The following PCDHGA8 variants were observed in gnomAD, a reference collection of about 807,000 sequenced individuals.
PCDHGA8 encodes the protein protocadherin gamma-A8.
Under a neutral mutation model 59.2 loss-of-function variants are expected in PCDHGA8, and 45 were observed. The observed-to-expected ratio is 0.76, with a 90% CI of 0.60 to 0.98. The LOEUF is 0.98. Ranked by LOEUF, PCDHGA8 falls within the 50% of genes least tolerant of loss-of-function variation. The pLI, the probability that PCDHGA8 is intolerant of heterozygous loss-of-function variation, is 0.00. For missense variants in PCDHGA8, 1,257 were observed against 1,196.2 expected (o/e 1.05, Z -0.75); for synonymous variants, 531 against 519.0 (o/e 1.02, Z -0.32).
At chr5:141,422,465 G>A in intron 1 of PCDHGA8, 1 of 1,613,508 alleles carries the variant, frequency 6.2e-7, no homozygotes, top group Non-Finnish European at 8.5e-7. Flanking sequence ...GTGCTGGACA[G>A]GGAGTTGGTC....
Position 141,422,132 on chromosome 5 carries a change from T to C in PCDHGA8, c.2424+26895T>C, listed in dbSNP as rs768931697. ...CAATTGGATTCACAAACTGGAGAAG[T>C]TCAAGTACGGGGGTCTCTGGATTTT... On this transcript the variant is annotated intron_variant, in intron 1 of 3. Coordinates refer to ENST00000398604, the MANE Select transcript of PCDHGA8 (RefSeq NM_032088.2). The C allele has an allele frequency of 1.2e-5, 19 of 1,598,396 alleles. No individual in the cohort carries two copies. In the South Asian group the frequency reaches 2.0e-4, roughly 17 times the overall value.
rs2095935492 is a variant in PCDHGA8 at position 141,415,755 on chromosome 5, T to TG, written c.2424+20518_2424+20519insG. ...GTTTATTAAGGTTTTTTTTTTTTTT[T>TG]TTTTTTTTTTTTTTTTTACTTTCTG... On this transcript the variant is annotated intron_variant, in intron 1 of 3. Coordinates refer to ENST00000398604, the MANE Select transcript of PCDHGA8 (RefSeq NM_032088.2). 10 of 1,387,646 alleles carry TG rather than the reference T, an allele frequency of 7.2e-6. No individual in the cohort carries two copies. The African/African-American group carries it at 1.4e-4, about 19-fold the overall frequency. The allele number at this position is 1,387,646 out of a possible 1,614,324, so 86.0% of individuals were successfully genotyped here.
At chr5:141,458,907 A>AT (rs759653270) in intron 1 of PCDHGA8, among the ~76,000 whole-genome samples, 1 of 151,752 alleles carries the variant, frequency 6.6e-6, no homozygotes, top group Non-Finnish European at 1.5e-5. Context: ...AATTTTTTCT[A>AT]TTTTTTGTGG....
intron 1 of PCDHGA8, among the ~76,000 whole-genome samples, chr5:141,433,553 T>C (rs530467777): frequency 1.3e-5 from 2 of 151,614 alleles, no homozygotes; most frequent in African/African-American, 4.8e-5. Flanking sequence ...TATTCTTTTC[T>C]GGCTGGGCGC....
intron 1 of PCDHGA8, chr5:141,428,180 C>G (rs780780274): frequency 1.3e-6 from 2 of 1,486,274 alleles, no homozygotes; most frequent in East Asian, 2.3e-5. Flanking sequence ...TGACGGAGGA[C>G]AGCCGCCGCT....
At position 141,393,023 on chromosome 5, in the gene PCDHGA8, T is replaced by C. The variant is rs372159245; in HGVS notation, c.210T>C (p.Gly70=). The change falls in exon 1 of 4, where the codon GGT becomes GGC. Residue 70 remains glycine (G), a synonymous_variant. Transcript: ENST00000398604. ...ACGGAGTCCGTATCGTCTCCAGAGGTAGGACGCAGCTCTTTGCTCTGAACC... is the reference window on the plus strand; with the variant it reads ...ACGGAGTCCGTATCGTCTCCAGAGGCAGGACGCAGCTCTTTGCTCTGAACC... ...AKHGVRIVSR[G]RTQLFALNPR... 3.2e-5 allele frequency: 52 copies of C among 1,613,550 alleles called. No individual in the cohort carries two copies. The highest frequency in any genetic ancestry group is 4.3e-5 in the Non-Finnish European group (51 of 1,179,832).
intron 1 of PCDHGA8, among the ~76,000 whole-genome samples, chr5:141,407,534 A>G (rs72790039): frequency 0.022 from 3,304 of 149,594 alleles, 53 homozygotes; most frequent in South Asian, 0.039. Context: ...CTTATTGTGC[A>G]TTGGTAACAG....
intron 1 of PCDHGA8, chr5:141,433,153 A>G (rs896611410): frequency 3.1e-6 from 5 of 1,613,482 alleles, no homozygotes; most frequent in African/African-American, 2.7e-5. Flanking sequence ...GTGATTCGGT[A>G]TTTTCTAAAG....
At chr5:141,463,553 A>G (rs1163004575) in intron 1 of PCDHGA8, among the ~76,000 whole-genome samples, 3 of 140,962 alleles carry the variant, frequency 2.1e-5, no homozygotes, top group Non-Finnish European at 4.5e-5. Context: ...GGTTCATGCC[A>G]TTCTCCTGCC....
intron 1 of PCDHGA8, chr5:141,399,271 T>C: frequency 1.2e-6 from 2 of 1,613,926 alleles, no homozygotes; most frequent in Non-Finnish European, 1.7e-6. Flanking sequence ...TAATTGTCAA[T>C]TACAAGGCGA....
chr5:141,485,093 T>C lies in PCDHGA8; in HGVS notation c.2425-9714T>C. 1 of 1,076,296 alleles carries C rather than the reference T, an allele frequency of 9.3e-7. No homozygotes were observed. Among genetic ancestry groups the C allele is most frequent in the Non-Finnish European group, 1.4e-6 (1 of 718,118 alleles). 66.7% of individuals were successfully genotyped at this position (1,076,296 alleles called of 1,614,324 possible). ...TGGCGCGGGGAAAGGGAGATAGGTG[T>C]CTCCAGCTGCTGTGGCTGTTTGGGG... On this transcript the variant is annotated intron_variant, in intron 1 of 3. Coordinates refer to ENST00000398604, the MANE Select transcript of PCDHGA8 (RefSeq NM_032088.2). The surrounding 1 kb of genome is among the most constrained non-coding windows in gnomAD (Gnocchi z 5.7).
At chr5:141,406,273 G>A (rs1366399912) in intron 1 of PCDHGA8, among the ~76,000 whole-genome samples, 2 of 151,898 alleles carry the variant, frequency 1.3e-5, no homozygotes, top group Non-Finnish European at 2.9e-5. Context: ...TCCTGCTTCA[G>A]TTTCCCAAAG....
intron 2 of PCDHGA8, among the ~76,000 whole-genome samples, chr5:141,499,010 AAGG>A (rs2099788390): frequency 6.6e-6 from 1 of 151,098 alleles, no homozygotes; most frequent in Non-Finnish European, 1.5e-5. Context: ...GGAAGGAAGG[AAGG>A]AAGGAAGGAA....
chr5:141,421,833 C>T (rs1364245594), intron 1 of PCDHGA8: 6 of 1,613,756 alleles, frequency 3.7e-6, no homozygotes, highest in Non-Finnish European at 4.2e-6. Flanking sequence ...GAAGCCTGGA[C>T]CGAGAGAAAG....
intron 1 of PCDHGA8, among the ~76,000 whole-genome samples, chr5:141,459,678 G>A (rs1240789253): frequency 2.0e-5 from 3 of 152,184 alleles, no homozygotes; most frequent in African/African-American, 7.2e-5. Flanking sequence ...CATGAGCAAT[G>A]CATAAAGCGT....
At chr5:141,413,058 C>G (rs2095601249) in intron 1 of PCDHGA8, 1 of 1,073,304 alleles carries the variant, frequency 9.3e-7, no homozygotes, top group Non-Finnish European at 1.3e-6. Context: ...AAGCTCACTC[C>G]AGAATTTAAA....
At chr5:141,430,911 A>T (rs544678317) in intron 1 of PCDHGA8, 4 of 1,607,840 alleles carry the variant, frequency 2.5e-6, no homozygotes, top group Non-Finnish European at 3.4e-6. Context: ...ATCTCCAGGG[A>T]CCTGGGGCTG....
chr5:141,458,949 T>A (rs948180008), intron 1 of PCDHGA8, among the ~76,000 whole-genome samples: 1 of 151,814 alleles, frequency 6.6e-6, no homozygotes, highest in East Asian at 1.9e-4. Flanking sequence ...CTTAGGTTGG[T>A]CACAAATTCA....
chr5:141,451,216 A>G (rs1561943760), intron 1 of PCDHGA8, among the ~76,000 whole-genome samples: 1 of 152,204 alleles, frequency 6.6e-6, no homozygotes, highest in Non-Finnish European at 1.5e-5. Context: ...TTAGTGGCTT[A>G]AAAGAAGCAT....
Sources: gnomAD v4.1 joint callset for allele counts (sites outside exome capture counted in the v4.1 genomes callset) on GRCh38, gnomAD v4.1.1 for gene constraint, Gnocchi (gnomAD v3.1) non-coding constraint, MANE v1.5 for transcripts, NCBI Gene and HGNC (gene_info 2026-07-23, HGNC 2026-07-21) for gene names.